The following EPHB1 variants were observed in gnomAD, a reference collection of about 807,000 sequenced individuals.
The protein encoded by EPHB1 is EPH receptor B1.
In EPHB1, 30 loss-of-function variants were observed where a neutral mutation model predicts 94.4. The ratio of observed to expected loss-of-function variants is 0.32; its 90% CI spans 0.24 to 0.43. The LOEUF is 0.43. Among genes scored for constraint, EPHB1 ranks in the 20% least tolerant of loss-of-function variants. EPHB1 has a pLI of 1.00. For missense variants in EPHB1, 1,055 were observed against 1,308.3 expected, an observed-to-expected ratio of 0.81 and a Z score of 2.99; for synonymous variants, 522 against 489.1, an observed-to-expected ratio of 1.07 and a Z score of -0.89.
intron 1 of EPHB1, among the ~76,000 whole-genome samples, chr3:134,923,697 T>C (rs1181769602): frequency 6.6e-6 from 1 of 152,240 alleles, no homozygotes; most frequent in Non-Finnish European, 1.5e-5. Flanking sequence ...TTATCACTTC[T>C]GTTTTAATTC....
chr3:135,193,669 C>T (rs1004496037), intron 11 of EPHB1, among the ~76,000 whole-genome samples: 2 of 152,204 alleles, frequency 1.3e-5, no homozygotes, highest in African/African-American at 4.8e-5. Flanking sequence ...TAGCTGGCTA[C>T]ACACATTACC....
At chr3:134,986,910 A>G (rs955857413) in intron 3 of EPHB1, among the ~76,000 whole-genome samples, 5 of 152,154 alleles carry the variant, frequency 3.3e-5, no homozygotes, top group African/African-American at 1.2e-4. Flanking sequence ...CTTTGTGAAA[A>G]TCTCACCACA....
At chr3:135,142,689 T>G (rs1389562849) in intron 5 of EPHB1, among the ~76,000 whole-genome samples, 1 of 151,738 alleles carries the variant, frequency 6.6e-6, no homozygotes, top group Non-Finnish European at 1.5e-5. Flanking sequence ...CAAAGCAGAG[T>G]CTAAGTGTGC....
At chr3:134,893,599 A>T (rs1019094443) in intron 1 of EPHB1, among the ~76,000 whole-genome samples, 3 of 152,150 alleles carry the variant, frequency 2.0e-5, no homozygotes, top group Non-Finnish European at 4.4e-5. Context: ...CCTCTGTCTG[A>T]CAAGTCCTAC....
At chr3:135,087,817 A>G (rs1441602381) in intron 3 of EPHB1, among the ~76,000 whole-genome samples, 1 of 152,150 alleles carries the variant, frequency 6.6e-6, no homozygotes, top group Non-Finnish European at 1.5e-5. Context: ...GAGCTGCCCA[A>G]GGGTCCTGTG....
At chr3:135,053,256 T>A (rs906407241) in intron 3 of EPHB1, among the ~76,000 whole-genome samples, 1 of 151,774 alleles carries the variant, frequency 6.6e-6, no homozygotes, top group Non-Finnish European at 1.5e-5. Flanking sequence ...ATATCCTGAC[T>A]TGATCATCAC....
intron 12 of EPHB1, among the ~76,000 whole-genome samples, chr3:135,220,304 A>G (rs549153461): frequency 9.8e-5 from 15 of 152,328 alleles, no homozygotes; most frequent in African/African-American, 3.6e-4. Flanking sequence ...TGCAGGGGGA[A>G]TATGCAGGAA....
chr3:135,108,602 G>A (rs986420452), intron 4 of EPHB1, among the ~76,000 whole-genome samples: 2 of 152,186 alleles, frequency 1.3e-5, no homozygotes, highest in Non-Finnish European at 2.9e-5. Context: ...AAAGGGGCTG[G>A]TGTGGTCTCC....
At chr3:134,807,618 T>A (rs1358565098) in intron 1 of EPHB1, among the ~76,000 whole-genome samples, 1 of 152,076 alleles carries the variant, frequency 6.6e-6, no homozygotes, top group Non-Finnish European at 1.5e-5. Context: ...GCAACAGTGC[T>A]GTCTCAGGAC....
chr3:134,849,024 C>T (rs987253245), intron 1 of EPHB1, among the ~76,000 whole-genome samples: 2 of 152,332 alleles, frequency 1.3e-5, no homozygotes, highest in East Asian at 1.9e-4. Context: ...ACGCACAAGG[C>T]GGGAGCCTGA....
rs1559811664 is a variant in EPHB1, at chr3:135,054,063, ACACAC to A, written c.806-52384_806-52380del. On this transcript the variant is annotated intron_variant, in intron 3 of 15. Coordinates refer to ENST00000398015, the MANE Select transcript of EPHB1 (RefSeq NM_004441.5). ...TATACACACACACACACACACACAC[ACACAC>A]ACATAGCATTATTTATATGACAAAT... Among the ~76,000 whole-genome samples, 226 of 151,974 alleles carry A rather than the reference ACACAC, an allele frequency of 1.5e-3. 1 individual carries two copies. Among genetic ancestry groups the A allele is most frequent in the African/African-American group, 5.2e-3 (217 of 41,402 alleles).
At chr3:135,201,326 G>T in intron 11 of EPHB1, 148 bp from the exon 12 acceptor site, 1 of 732,810 alleles carries the variant, frequency 1.4e-6, no homozygotes. Context: ...AGAAGAATGG[G>T]GGATGGGAGT....
intron 1 of EPHB1, among the ~76,000 whole-genome samples, chr3:134,826,103 T>G (rs2036473724): frequency 7.9e-6 from 1 of 126,198 alleles, no homozygotes; most frequent in African/African-American, 3.7e-5. Flanking sequence ...AAAAAAAAAA[T>G]CAGCCGAGTG....
intron 3 of EPHB1, among the ~76,000 whole-genome samples, chr3:135,098,104 T>C (rs749160680): frequency 7.9e-5 from 12 of 152,150 alleles, no homozygotes; most frequent in Non-Finnish European, 1.6e-4. Flanking sequence ...GCTGTAGAAA[T>C]TTTATTGGTA....
intron 10 of EPHB1, among the ~76,000 whole-genome samples, chr3:135,182,066 C>T (rs980019944): frequency 1.3e-5 from 2 of 152,186 alleles, no homozygotes; most frequent in African/African-American, 4.8e-5. Flanking sequence ...ACTTACTATG[C>T]ATAACTTCAT....
At chr3:135,249,580 G>A in intron 15 of EPHB1, 89 bp downstream of exon 15, 1 of 1,468,006 alleles carries the variant, frequency 6.8e-7, no homozygotes, top group Non-Finnish European at 9.3e-7. Context: ...CCTATTTCTG[G>A]CCTCATCCCT....
intron 3 of EPHB1, among the ~76,000 whole-genome samples, chr3:134,984,721 T>C (rs749134201): frequency 6.6e-6 from 1 of 152,158 alleles, no homozygotes; most frequent in Non-Finnish European, 1.5e-5. Flanking sequence ...TGAGCCATCC[T>C]TGCCACATTA....
At chr3:135,183,034 C>CTTTTTTCT (rs10694308) in intron 10 of EPHB1, among the ~76,000 whole-genome samples, 1 of 62,494 alleles carries the variant, frequency 1.6e-5, no homozygotes. Flanking sequence ...TCTTTTCTTT[C>CTTTTTTCT]TTTCTTTCTT....
chr3:135,039,559 C>T (rs1231907592), intron 3 of EPHB1, among the ~76,000 whole-genome samples: 1 of 152,276 alleles, frequency 6.6e-6, no homozygotes, highest in Non-Finnish European at 1.5e-5. Context: ...GGCTGCAGGT[C>T]CCGAGCCCTG....
Sources: gnomAD v4.1 joint callset for allele counts (sites outside exome capture counted in the v4.1 genomes callset) on GRCh38, gnomAD v4.1.1 for gene constraint, MANE v1.5 for transcripts, NCBI Gene and HGNC (gene_info 2026-07-23, HGNC 2026-07-21) for gene names.